NLRP5: variants seen among roughly 807,000 people sequenced by gnomAD.
NLRP5 encodes the protein NLR family pyrin domain containing 5, also known as NACHT, LRR and PYD domains-containing protein 5.
Under a neutral mutation model 113.1 loss-of-function variants are expected in NLRP5, and 93 were observed. That is an observed-to-expected ratio of 0.82 (90% CI 0.70 to 0.98). NLRP5 has a LOEUF of 0.98. NLRP5 is among the 50% of genes least tolerant of loss of function. NLRP5 has a pLI of 0.00. For synonymous variants in NLRP5, 751 were observed against 600.7 expected (o/e 1.25, Z -3.66); for missense variants, 1,808 against 1,514.3 (o/e 1.19, Z -3.22).
In NLRP5 at chr19:56,019,324, T is replaced by A. The variant is rs1982526573; in HGVS notation, c.566-18T>A. On this transcript the variant is annotated intron_variant, in intron 4 of 14. Coordinates refer to ENST00000390649, the MANE Select transcript of NLRP5 (RefSeq NM_153447.4). ...AATAATAAACACAAGTATGTTGGAA[T>A]TCATTCTTCTTTTGCAGAAATTTCA... 4 of 1,613,860 alleles carry A rather than the reference T, an allele frequency of 2.5e-6. No homozygotes were observed. The highest frequency in any genetic ancestry group is 3.4e-6 in the Non-Finnish European group (4 of 1,179,880).
In NLRP5 at chr19:56,027,147, A is replaced by C; in HGVS notation, c.914A>C (p.Gln305Pro). Reference sequence around the variant, plus strand: ...AGAAGGATCGTGCTGTGCTGGGCGCAAGGTGGACTCTACCAGGGAATGTTC... The same window carrying C: ...AGAAGGATCGTGCTGTGCTGGGCGCCAGGTGGACTCTACCAGGGAATGTTC... Residue 305 changes from glutamine (Q) to proline (P), a missense_variant, in exon 7 of 15, where the codon CAA becomes CCA. Gln to Pro is a moderately conservative substitution (Grantham distance 76). Coordinates refer to ENST00000390649, the MANE Select transcript of NLRP5 (RefSeq NM_153447.4). 6.2e-7 allele frequency: 1 copy of C among 1,601,946 alleles called. No individual in the cohort carries two copies.
At chr19:56,005,379 T>C (rs1244051353) in intron 2 of NLRP5, among the ~76,000 whole-genome samples, 4 of 147,222 alleles carry the variant, frequency 2.7e-5, no homozygotes, top group Non-Finnish European at 4.5e-5. Context: ...ACATATATAT[T>C]TATATATACA....
the NLRP5 span, chr19:55,988,440 G>GTATATATATA: frequency 2.1e-3 from 210 of 100,500 alleles, no homozygotes; most frequent in African/African-American, 4.6e-3. Context: ...ATATATGTGT[G>GTATATATATA]TGTGTATATA....
intron 7 of NLRP5, among the ~76,000 whole-genome samples, chr19:56,028,882 A>G (rs373684675): frequency 1.6e-4 from 24 of 152,118 alleles, no homozygotes; most frequent in African/African-American, 5.1e-4. Flanking sequence ...CTCCTGCCTC[A>G]GGCTGCCGAG....
chr19:56,011,289 G>A (rs1363976656), intron 3 of NLRP5, among the ~76,000 whole-genome samples: 4 of 151,822 alleles, frequency 2.6e-5, no homozygotes, highest in African/African-American at 4.8e-5. Flanking sequence ...GTCTAGAATC[G>A]GCAAATCCAT....
the NLRP5 span, among the ~76,000 whole-genome samples, chr19:55,992,404 G>T: frequency 1.3e-5 from 2 of 152,084 alleles, no homozygotes; most frequent in African/African-American, 4.8e-5. Context: ...GGATGGCTGG[G>T]TCCAACGCTA....
chr19:56,025,594 TAG>T (rs1429871685), intron 6 of NLRP5, among the ~76,000 whole-genome samples: 1 of 151,770 alleles, frequency 6.6e-6, no homozygotes, highest in Non-Finnish European at 1.5e-5. Context: ...GTATTTTTAG[TAG>T]AGACGGGGTT....
intron 2 of NLRP5, among the ~76,000 whole-genome samples, chr19:56,008,021 C>A (rs1416235344): frequency 7.6e-6 from 1 of 131,860 alleles, no homozygotes; most frequent in Non-Finnish European, 1.7e-5. Flanking sequence ...CTCCGCCTCC[C>A]GGGTTCGTGC....
At chr19:56,007,359 C>CTTT (rs35019402) in intron 2 of NLRP5, among the ~76,000 whole-genome samples, 75,696 of 145,844 alleles carry the variant, frequency 0.52, 21,474 homozygotes, top group Non-Finnish European at 0.63. Context: ...TTGAGACTGT[C>CTTT]TTTTTTTTTT....
At position 56,027,820 on chromosome 19, in the gene NLRP5, G is replaced by C. The variant is rs1453339044; in HGVS notation, c.1587G>C (p.Lys529Asn). The C allele has an allele frequency of 6.2e-7, 1 of 1,613,922 alleles. No individual in the cohort carries two copies. The highest frequency in any genetic ancestry group is 2.2e-5 in the East Asian group (1 of 44,892). The change falls in exon 7 of 15, where the codon AAG becomes AAC. Residue 529 changes from lysine to asparagine, a missense_variant. Transcript: ENST00000390649. Reference sequence around the variant, plus strand: ...ATCTGGAGGAAAGAGTTGTCCTGAAGCGCTTCTGCCGTATGGCTGTGGAGG... The same window carrying C: ...ATCTGGAGGAAAGAGTTGTCCTGAACCGCTTCTGCCGTATGGCTGTGGAGG...
chr19:55,987,293 C>T, the NLRP5 span, among the ~76,000 whole-genome samples: 40 of 152,308 alleles, frequency 2.6e-4, no homozygotes, highest in Non-Finnish European at 4.9e-4. Context: ...TCGCTTTAAC[C>T]CAGGAGGCAG....
chr19:55,995,190 C>T (rs1256950796), upstream of NLRP5, among the ~76,000 whole-genome samples: 1 of 152,072 alleles, frequency 6.6e-6, no homozygotes, highest in Non-Finnish European at 1.5e-5. Context: ...TGGGGAACAT[C>T]ACACACTGGG....
chr19:56,061,278 G>T (rs1195161867), intron 14 of NLRP5, 118 bp from the exon 15 acceptor site: 4 of 1,059,412 alleles, frequency 3.8e-6, no homozygotes, highest in East Asian at 2.7e-5. Context: ...TTTGGGGCAC[G>T]TTCCTTAAGA....
At chr19:56,016,274 C>T (rs1251078553) in intron 4 of NLRP5, among the ~76,000 whole-genome samples, 3 of 152,126 alleles carry the variant, frequency 2.0e-5, no homozygotes, top group Non-Finnish European at 4.4e-5. Context: ...CTGCCTCAGC[C>T]TCTCAAGTAG....
At chr19:56,035,355 T>C (rs1480410591) in intron 9 of NLRP5, among the ~76,000 whole-genome samples, 2 of 152,182 alleles carry the variant, frequency 1.3e-5, no homozygotes, top group East Asian at 3.9e-4. Context: ...TTTAAGAAGA[T>C]GTAACCCAGG....
upstream of NLRP5, among the ~76,000 whole-genome samples, chr19:55,999,555 A>AG (rs1981542721): frequency 6.6e-6 from 1 of 152,056 alleles, no homozygotes; most frequent in Admixed American, 6.5e-5. Context: ...GCTTTAGAGC[A>AG]GGTGGTGTTC....
intron 3 of NLRP5, among the ~76,000 whole-genome samples, chr19:56,011,368 G>A (rs1013500417): frequency 6.6e-6 from 1 of 152,050 alleles, no homozygotes; most frequent in Non-Finnish European, 1.5e-5. Context: ...AGGACTAAGA[G>A]GGCAGGGTTT....
the NLRP5 span, among the ~76,000 whole-genome samples, chr19:55,986,808 G>C: frequency 6.6e-6 from 1 of 152,098 alleles, no homozygotes; most frequent in African/African-American, 2.4e-5. Context: ...TCTTGGTGGT[G>C]AGGTGTGAAG....
chr19:56,020,777 T>C (rs1488795922), intron 6 of NLRP5, among the ~76,000 whole-genome samples: 1 of 151,634 alleles, frequency 6.6e-6, no homozygotes, highest in Admixed American at 6.6e-5. Context: ...ATTATTTTTG[T>C]AATTCCTTCT....
Sources: allele counts gnomAD v4.1 joint callset (sites outside exome capture counted in the v4.1 genomes callset), GRCh38; gene constraint gnomAD v4.1.1; transcripts MANE v1.5; gene names NCBI Gene and HGNC (gene_info 2026-07-23, HGNC 2026-07-21).